The following CCBE1 variants were observed in gnomAD, a reference collection of about 807,000 sequenced individuals.
CCBE1 encodes collagen and calcium binding EGF domains 1, also known as collagen and calcium-binding EGF domain-containing protein 1.
In CCBE1, 37 loss-of-function variants were observed where a neutral mutation model predicts 50.0. The ratio of observed to expected loss-of-function variants is 0.74; its 90% CI spans 0.57 to 0.97. The LOEUF (loss-of-function observed/expected upper bound fraction) is 0.97. Among genes scored for constraint, CCBE1 ranks in the 50% least tolerant of loss-of-function variants. The pLI is 0.00. For missense variants in CCBE1, 538 were observed against 523.8 expected, an observed-to-expected ratio of 1.03 and a Z score of -0.26; for synonymous variants, 234 against 203.7, an observed-to-expected ratio of 1.15 and a Z score of -1.27.
Position 59,514,407 on chromosome 18 carries a change from A to T in CCBE1, c.213-34169T>A, listed in dbSNP as rs1021356601. Among the ~76,000 whole-genome samples the T allele has an allele frequency of 5.3e-5, 8 of 152,058 alleles. No individual in the cohort carries two copies. In the South Asian group the frequency reaches 1.7e-3, roughly 32 times the overall value. On this transcript the variant is annotated intron_variant, in intron 2 of 10. Transcript: ENST00000439986. ...TTGAGAGCGGCTGTCACTCTGCTTTAATCTGGCACTTTGTTTTCCTGCAGT... is the reference window on the plus strand; with the variant it reads ...TTGAGAGCGGCTGTCACTCTGCTTTTATCTGGCACTTTGTTTTCCTGCAGT...
intron 2 of CCBE1, among the ~76,000 whole-genome samples, chr18:59,554,571 C>A (rs76519375): frequency 1.3e-5 from 2 of 152,266 alleles, no homozygotes; most frequent in East Asian, 3.9e-4. Flanking sequence ...GCCTTTGAGT[C>A]ACTAGTCCCA....
At chr18:59,651,269 A>G (rs567221740) in intron 2 of CCBE1, among the ~76,000 whole-genome samples, 1 of 152,298 alleles carries the variant, frequency 6.6e-6, no homozygotes, top group East Asian at 1.9e-4. Context: ...GTTGACACAC[A>G]TGAGTTGTTG....
intron 2 of CCBE1, among the ~76,000 whole-genome samples, chr18:59,619,991 A>C (rs1192143461): frequency 6.6e-6 from 1 of 152,218 alleles, no homozygotes; most frequent in Non-Finnish European, 1.5e-5. Context: ...CGGTATTCCC[A>C]GTCCCATTCA....
At chr18:59,599,119 C>A (rs1312618871) in intron 2 of CCBE1, among the ~76,000 whole-genome samples, 1 of 152,040 alleles carries the variant, frequency 6.6e-6, no homozygotes, top group Non-Finnish European at 1.5e-5. Flanking sequence ...AGTTATTTTT[C>A]TCCTCCCACC....
intron 5 of CCBE1, among the ~76,000 whole-genome samples, chr18:59,464,576 C>T (rs1184638444): frequency 6.6e-6 from 1 of 152,248 alleles, no homozygotes; most frequent in African/African-American, 2.4e-5. Flanking sequence ...TAAGAAGTGT[C>T]ACCAAGTCCT....
intron 2 of CCBE1, 89 bp downstream of exon 2, chr18:59,696,540 C>T (rs2054805881): frequency 6.3e-7 from 1 of 1,596,202 alleles, no homozygotes; most frequent in Non-Finnish European, 8.5e-7. Context: ...CGGTCCCAAG[C>T]GCGTCTCCAA....
chr18:59,537,008 A>T (rs923517901), intron 2 of CCBE1, among the ~76,000 whole-genome samples: 2 of 151,134 alleles, frequency 1.3e-5, no homozygotes, highest in Non-Finnish European at 2.9e-5. Flanking sequence ...AAAAAAAAAA[A>T]TGGATGTTTT....
At chr18:59,585,797 A>G (rs999424332) in intron 2 of CCBE1, among the ~76,000 whole-genome samples, 1 of 152,210 alleles carries the variant, frequency 6.6e-6, no homozygotes, top group African/African-American at 2.4e-5. Flanking sequence ...CCACACACAT[A>G]GGCATTAATA....
chr18:59,549,737 A>G (rs1915845130), intron 2 of CCBE1, among the ~76,000 whole-genome samples: 1 of 152,178 alleles, frequency 6.6e-6, no homozygotes, highest in South Asian at 2.1e-4. Context: ...CCCTAGCAAA[A>G]TTTGTGGACA....
At chr18:59,529,126 C>A (rs1914946453) in intron 2 of CCBE1, among the ~76,000 whole-genome samples, 1 of 152,234 alleles carries the variant, frequency 6.6e-6, no homozygotes, top group Non-Finnish European at 1.5e-5. Context: ...GGGGCATCGT[C>A]CCAGGGAGAT....
At chr18:59,530,515 T>G (rs1271557162) in intron 2 of CCBE1, among the ~76,000 whole-genome samples, 5 of 152,214 alleles carry the variant, frequency 3.3e-5, no homozygotes, top group African/African-American at 1.2e-4. Context: ...TTCATTCACT[T>G]TTAATTCCAT....
intron 2 of CCBE1, among the ~76,000 whole-genome samples, chr18:59,561,625 G>A (rs1466088788): frequency 6.6e-6 from 1 of 152,212 alleles, no homozygotes; most frequent in African/African-American, 2.4e-5. Flanking sequence ...GGCTCTTGGG[G>A]CTTGGCTTGG....
Position 59,473,328 on chromosome 18 carries a change from G to C in CCBE1, c.266-3721C>G, listed in dbSNP as rs144891888. On this transcript the variant is annotated intron_variant, in intron 3 of 10. Transcript: ENST00000439986. Reference sequence around the variant, plus strand: ...TTCCAGCTTTTCAATGCTGCTGCAGGGAAGTCCTGTGAGATTCAAACTCTT... The same window carrying C: ...TTCCAGCTTTTCAATGCTGCTGCAGCGAAGTCCTGTGAGATTCAAACTCTT... Among the ~76,000 whole-genome samples, 134 of 152,220 alleles carry C rather than the reference G, an allele frequency of 8.8e-4. 1 individual carries two copies. The highest frequency in any genetic ancestry group is 3.4e-3 in the Middle Eastern group (1 of 294).
chr18:59,588,739 T>A (rs1195337427), intron 2 of CCBE1, among the ~76,000 whole-genome samples: 1 of 152,154 alleles, frequency 6.6e-6, no homozygotes, highest in African/African-American at 2.4e-5. Context: ...GAACCAGAAG[T>A]GCTTCTCAGA....
intron 2 of CCBE1, among the ~76,000 whole-genome samples, chr18:59,633,934 C>A (rs1428976173): frequency 6.6e-6 from 1 of 151,918 alleles, no homozygotes; most frequent in Non-Finnish European, 1.5e-5. Context: ...TGTGTTGACC[C>A]CAAGGTAGAC....
At chr18:59,603,249 G>A (rs2053455780) in intron 2 of CCBE1, among the ~76,000 whole-genome samples, 1 of 152,186 alleles carries the variant, frequency 6.6e-6, no homozygotes, top group East Asian at 1.9e-4. Context: ...ATAGAATTTG[G>A]CCCCTGGGGC....
intron 2 of CCBE1, among the ~76,000 whole-genome samples, chr18:59,559,169 G>A (rs1405441454): frequency 2.0e-5 from 3 of 152,170 alleles, no homozygotes; most frequent in Non-Finnish European, 2.9e-5. Flanking sequence ...CAGTAGATGG[G>A]GTCTCCTGCA....
intron 3 of CCBE1, among the ~76,000 whole-genome samples, chr18:59,477,067 C>A (rs1384274351): frequency 6.6e-6 from 1 of 152,242 alleles, no homozygotes; most frequent in Non-Finnish European, 1.5e-5. Flanking sequence ...TTCCATTGAA[C>A]TGAAAATTAA....
intron 2 of CCBE1, among the ~76,000 whole-genome samples, chr18:59,612,120 C>A (rs573536036): frequency 6.6e-6 from 1 of 152,250 alleles, no homozygotes; most frequent in South Asian, 2.1e-4. Context: ...CAAGTCTTTG[C>A]ACATTTTTGA....
Sources: allele counts gnomAD v4.1 joint callset (sites outside exome capture counted in the v4.1 genomes callset), GRCh38; gene constraint gnomAD v4.1.1; transcripts MANE v1.5; gene names NCBI Gene and HGNC (gene_info 2026-07-23, HGNC 2026-07-21).